WWOX: variants seen among roughly 807,000 people sequenced by gnomAD.
WWOX encodes WW domain-containing oxidoreductase.
In WWOX, 69 loss-of-function variants were observed where a neutral mutation model predicts 46.2. That is an observed-to-expected ratio of 1.49 (90% CI 1.23 to 1.82). The LOEUF is 1.82. Ranked by LOEUF, WWOX falls within the 40% of genes most tolerant of loss-of-function variation. WWOX has a pLI of 0.00. For synonymous variants in WWOX, 359 were observed against 202.6 expected (o/e 1.77, Z -6.56); for missense variants, 919 against 542.6 (o/e 1.69, Z -6.89).
At chr16:79,154,225 C>T (rs1468241356) in intron 8 of WWOX, among the ~76,000 whole-genome samples, 1 of 152,178 alleles carries the variant, frequency 6.6e-6, no homozygotes, top group Non-Finnish European at 1.5e-5. Context: ...TCTAGTGCAA[C>T]AAGTATTTGT....
rs190507320 is a variant in WWOX at position 78,599,261 on chromosome 16, C to G, written c.1056+166509C>G. Among the ~76,000 whole-genome samples, 349 of 152,324 alleles carry G rather than the reference C, an allele frequency of 2.3e-3. 3 individuals are homozygous for G. The highest frequency in any genetic ancestry group is 7.5e-3 in the African/African-American group (311 of 41,572). On this transcript the variant is annotated intron_variant, in intron 8 of 8. Coordinates refer to ENST00000566780, the MANE Select transcript of WWOX (RefSeq NM_016373.4). ...AGAAAGAGGAAAATTCTCAGCTGGT[C>G]TAGCTTTGTCTGTGAACCTCCGGGA... is the stretch of plus-strand genomic sequence containing the variant.
At chr16:78,609,325 G>A (rs1567433647) in intron 8 of WWOX, among the ~76,000 whole-genome samples, 1 of 151,960 alleles carries the variant, frequency 6.6e-6, no homozygotes, top group Non-Finnish European at 1.5e-5. Context: ...ATTTTCAAGG[G>A]GAGGCTTAGC....
chr16:79,194,676 T>C (rs897667501), intron 8 of WWOX, among the ~76,000 whole-genome samples: 3 of 152,222 alleles, frequency 2.0e-5, no homozygotes, highest in African/African-American at 7.2e-5. Flanking sequence ...CTTTCTGTTC[T>C]ACAGCCCCCG....
At chr16:78,720,297 G>A (rs951055860) in intron 8 of WWOX, among the ~76,000 whole-genome samples, 7 of 145,554 alleles carry the variant, frequency 4.8e-5, no homozygotes, top group Non-Finnish European at 1.0e-4. Flanking sequence ...TGAACCTGAC[G>A]GTTATATAGA....
chr16:78,588,230 A>G (rs2045265629), intron 8 of WWOX, among the ~76,000 whole-genome samples: 1 of 152,342 alleles, frequency 6.6e-6, no homozygotes, highest in African/African-American at 2.4e-5. Flanking sequence ...GTAGATGACA[A>G]TAGCCTCAAA....
intron 4 of WWOX, among the ~76,000 whole-genome samples, chr16:78,155,645 C>A (rs751717388): frequency 6.6e-6 from 1 of 152,182 alleles, no homozygotes; most frequent in Non-Finnish European, 1.5e-5. Context: ...CTTGCCATCT[C>A]CATGCAGTTA....
intron 8 of WWOX, among the ~76,000 whole-genome samples, chr16:78,475,544 T>C (rs942155399): frequency 1.3e-5 from 2 of 152,208 alleles, no homozygotes; most frequent in Non-Finnish European, 2.9e-5. Flanking sequence ...ACTAGAGCCA[T>C]GACTTTCATC....
At chr16:78,184,855 C>G (rs1050866247) in intron 5 of WWOX, among the ~76,000 whole-genome samples, 2 of 152,174 alleles carry the variant, frequency 1.3e-5, no homozygotes, top group Non-Finnish European at 2.9e-5. Flanking sequence ...TTGGGACAGT[C>G]TAAGTTATGC....
intron 8 of WWOX, among the ~76,000 whole-genome samples, chr16:79,182,103 A>G (rs900856561): frequency 7.1e-6 from 1 of 140,358 alleles, no homozygotes; most frequent in South Asian, 2.1e-4. Context: ...TCCTGCTCAC[A>G]CCAGCCAGCT....
chr16:78,853,038 C>T (rs2052486024), intron 8 of WWOX, among the ~76,000 whole-genome samples: 1 of 152,100 alleles, frequency 6.6e-6, no homozygotes, highest in African/African-American at 2.4e-5. Flanking sequence ...TGTCTTATCT[C>T]AGTTTTCTTA....
intron 5 of WWOX, among the ~76,000 whole-genome samples, chr16:78,257,040 T>C (rs540408845): frequency 6.6e-6 from 1 of 152,222 alleles, no homozygotes; most frequent in South Asian, 2.1e-4. Context: ...CCGTGTCTTT[T>C]ACATTTCGCA....
intron 8 of WWOX, among the ~76,000 whole-genome samples, chr16:78,901,941 C>G (rs1304399568): frequency 1.3e-4 from 20 of 152,206 alleles, no homozygotes; most frequent in Admixed American, 2.6e-4. Flanking sequence ...TTGGGCTGAT[C>G]AATCCCATTC....
chr16:78,932,300 G>C (rs12924818), intron 8 of WWOX, among the ~76,000 whole-genome samples: 1 of 152,070 alleles, frequency 6.6e-6, no homozygotes, highest in Non-Finnish European at 1.5e-5. Context: ...AGTGCTTCTT[G>C]TACTGACCAG....
Position 78,683,727 on chromosome 16 carries a change from T to A in WWOX, c.1056+250975T>A, listed in dbSNP as rs996133141. Among the ~76,000 whole-genome samples the A allele has an allele frequency of 2.6e-5, 4 of 152,214 alleles. No homozygotes were observed. The East Asian group carries it at 7.7e-4, about 29-fold the overall frequency. ...TCTTGTTTTCAATACCATTGATAAG[T>A]TGTGGTCTTCAGGGACTTGTGGGCA... On this transcript the variant is annotated intron_variant, in intron 8 of 8. Transcript: ENST00000566780.
At chr16:78,545,223 G>C (rs996058417) in intron 8 of WWOX, among the ~76,000 whole-genome samples, 1 of 152,196 alleles carries the variant, frequency 6.6e-6, no homozygotes, top group South Asian at 2.1e-4. Context: ...CAAAACTTTT[G>C]TTGGGGAGCT....
intron 5 of WWOX, among the ~76,000 whole-genome samples, chr16:78,229,887 C>T (rs1339045281): frequency 1.3e-5 from 2 of 151,266 alleles, no homozygotes; most frequent in African/African-American, 4.9e-5. Context: ...ATCTTTCTTT[C>T]TTTTTTTTTC....
chr16:78,490,106 A>C (rs2084741558), intron 8 of WWOX, among the ~76,000 whole-genome samples: 1 of 150,352 alleles, frequency 6.7e-6, no homozygotes, highest in Non-Finnish European at 1.5e-5. Flanking sequence ...TTTTAACACT[A>C]AACGATTTGT....
chr16:79,140,139 A>G (rs2050061832), intron 8 of WWOX, among the ~76,000 whole-genome samples: 1 of 152,092 alleles, frequency 6.6e-6, no homozygotes, highest in African/African-American at 2.4e-5. Flanking sequence ...GGTTGTTGTT[A>G]TTGTTTTTCT....
At chr16:78,359,132 C>A (rs1433189037) in intron 5 of WWOX, among the ~76,000 whole-genome samples, 5 of 152,088 alleles carry the variant, frequency 3.3e-5, no homozygotes, top group Admixed American at 3.3e-4. Flanking sequence ...GTAGCAGTGT[C>A]TGAGTGTCTG....
Sources: allele counts gnomAD v4.1 joint callset (sites outside exome capture counted in the v4.1 genomes callset), GRCh38; gene constraint gnomAD v4.1.1; transcripts MANE v1.5; gene names NCBI Gene and HGNC (gene_info 2026-07-23, HGNC 2026-07-21).